ARMC2: variants seen among roughly 807,000 people sequenced by gnomAD.
ARMC2 encodes armadillo repeat-containing protein 2.
A neutral mutation model predicts 90.3 loss-of-function variants in ARMC2; 67 were observed. The observed-to-expected ratio is 0.74, with a 90% confidence interval of 0.61 to 0.91. ARMC2 has a LOEUF of 0.91. Among genes scored for constraint, ARMC2 ranks in the 40% least tolerant of loss-of-function variants. The pLI, the probability that ARMC2 is intolerant of heterozygous loss-of-function variation, is 0.00. For missense variants in ARMC2, 920 were observed against 1,030.9 expected, an observed-to-expected ratio of 0.89 and a Z score of 1.47; for synonymous variants, 393 against 393.0, an observed-to-expected ratio of 1.00 and a Z score of 0.00.
intron 6 of ARMC2, among the ~76,000 whole-genome samples, chr6:108,897,479 G>A (rs1000773115): frequency 6.6e-5 from 10 of 152,074 alleles, no homozygotes; most frequent in Admixed American, 3.9e-4. Flanking sequence ...CACTGCAAAT[G>A]TTTAATAATA....
intron 17 of ARMC2, among the ~76,000 whole-genome samples, chr6:108,966,593 A>T (rs566936153): frequency 6.4e-4 from 97 of 152,282 alleles, no homozygotes; most frequent in African/African-American, 2.2e-3. Flanking sequence ...AATTTTGTAC[A>T]TGTGTTTTAA....
chr6:108,965,313 T>A (rs1263425093), intron 17 of ARMC2, among the ~76,000 whole-genome samples, 173 bp downstream of exon 17: 2 of 151,352 alleles, frequency 1.3e-5, no homozygotes, highest in African/African-American at 4.8e-5. Context: ...GAATGCTATT[T>A]ACAGTGGGGA....
chr6:108,902,428 C>T (rs1321210684), intron 7 of ARMC2, among the ~76,000 whole-genome samples: 2 of 152,296 alleles, frequency 1.3e-5, no homozygotes, highest in Non-Finnish European at 2.9e-5. Context: ...CCACCCACTG[C>T]CAATGAGTGG....
intron 11 of ARMC2, among the ~76,000 whole-genome samples, chr6:108,934,166 AC>A (rs1392160278): frequency 1.3e-5 from 2 of 152,068 alleles, no homozygotes; most frequent in African/African-American, 4.8e-5. Context: ...TGGCATCAGT[AC>A]CTAGTTTATT....
At chr6:108,928,557 C>A (rs1003462908) in intron 11 of ARMC2, among the ~76,000 whole-genome samples, 1 of 152,096 alleles carries the variant, frequency 6.6e-6, no homozygotes, top group Non-Finnish European at 1.5e-5. Context: ...ACACAGCAAA[C>A]CTTCCAGTTT....
At chr6:108,988,657 G>C in the ARMC2 span, 1 of 1,609,594 alleles carries the variant, frequency 6.2e-7, no homozygotes, top group Non-Finnish European at 8.5e-7. Flanking sequence ...CCAATAGCTG[G>C]TTAATTTCAC....
the ARMC2 span, among the ~76,000 whole-genome samples, chr6:108,993,855 C>T: frequency 6.6e-5 from 10 of 152,110 alleles, no homozygotes; most frequent in East Asian, 1.4e-3. Context: ...GCCGGTACTA[C>T]AGGTACAAAC....
At chr6:109,017,554 G>A in the ARMC2 span, among the ~76,000 whole-genome samples, 3 of 152,054 alleles carry the variant, frequency 2.0e-5, no homozygotes, top group African/African-American at 4.8e-5. Flanking sequence ...CAAAGTGCTG[G>A]GATTGCAGGT....
intron 8 of ARMC2, among the ~76,000 whole-genome samples, chr6:108,908,278 GC>G (rs1265151250): frequency 6.6e-6 from 1 of 152,150 alleles, no homozygotes; most frequent in Non-Finnish European, 1.5e-5. Flanking sequence ...TTTGTAAGTG[GC>G]CTAGTGCAGG....
chr6:108,969,315 G>C (rs1778597144), intron 17 of ARMC2, among the ~76,000 whole-genome samples: 1 of 152,198 alleles, frequency 6.6e-6, no homozygotes, highest in Non-Finnish European at 1.5e-5. Context: ...CAGCTAGCTA[G>C]GAAATAGTGT....
chr6:108,940,779 C>G (rs1284752852), intron 12 of ARMC2, among the ~76,000 whole-genome samples: 1 of 152,092 alleles, frequency 6.6e-6, no homozygotes, highest in Admixed American at 6.6e-5. Context: ...AAAAGGAAAA[C>G]CTTACCGAGG....
chr6:109,000,851 T>A, the ARMC2 span, among the ~76,000 whole-genome samples: 1 of 152,178 alleles, frequency 6.6e-6, no homozygotes, highest in Admixed American at 6.5e-5. Context: ...TGTAAGAACC[T>A]TAGAAATATT....
intron 13 of ARMC2, among the ~76,000 whole-genome samples, chr6:108,957,487 C>T (rs1053507933): frequency 3.3e-5 from 5 of 152,172 alleles, no homozygotes; most frequent in Admixed American, 6.5e-5. Context: ...AGGGCCTGCC[C>T]GTGGTTTGGT....
chr6:108,894,429 T>G (rs1771390127), intron 5 of ARMC2, 38 bp from the exon 6 acceptor site: 6 of 1,555,694 alleles, frequency 3.9e-6, no homozygotes, highest in Non-Finnish European at 5.2e-6. Flanking sequence ...TAGAAGTGTT[T>G]TCATGTTTGC....
At chr6:108,927,793 T>A (rs1775225619) in intron 10 of ARMC2, among the ~76,000 whole-genome samples, 1 of 152,068 alleles carries the variant, frequency 6.6e-6, no homozygotes, top group South Asian at 2.1e-4. Context: ...CAGCTGAAGA[T>A]CTTAGGAGTG....
At chr6:108,888,928 C>A (rs1258650841) in intron 5 of ARMC2, among the ~76,000 whole-genome samples, 2 of 152,142 alleles carry the variant, frequency 1.3e-5, no homozygotes, top group Non-Finnish European at 2.9e-5. Flanking sequence ...TGTATAAGAA[C>A]CCATGACAGT....
chr6:108,907,463 T>C (rs865786191), intron 8 of ARMC2, among the ~76,000 whole-genome samples: 2,285 of 123,252 alleles, frequency 0.019, 64 homozygotes, highest in African/African-American at 0.059. Context: ...TCTTTCTTTT[T>C]TTTTTTTTTT....
At position 108,953,135 on chromosome 6, in the gene ARMC2, C is replaced by G. The variant is rs199847440; in HGVS notation, c.1699C>G (p.Leu567Val). 1 of 1,614,058 alleles carries G rather than the reference C, an allele frequency of 6.2e-7. No individual in the cohort carries two copies. The highest frequency in any genetic ancestry group is 2.2e-5 in the East Asian group (1 of 44,892). The change falls in exon 13 of 18, where the codon CTG (leucine) becomes GTG (valine). Residue 567 changes from leucine to valine, a missense_variant. By Grantham distance (32) the Leu-to-Val change is conservative (BLOSUM62 1). Transcript: ENST00000392644. The part of the protein sequence containing the change: ...SKEKGSIQTL[L>V]SLFQTFHQLD... ...AGAGAAAGGGAGCATCCAAACTCTG[C>G]TGTCATTATTCCAGACGTTCCATCA...
At chr6:109,003,407 T>C in the ARMC2 span, among the ~76,000 whole-genome samples, 1 of 152,060 alleles carries the variant, frequency 6.6e-6, no homozygotes, top group Non-Finnish European at 1.5e-5. Context: ...GAAGGACATG[T>C]GTCAGCAATC....
Sources: allele counts gnomAD v4.1 joint callset (sites outside exome capture counted in the v4.1 genomes callset), GRCh38; gene constraint gnomAD v4.1.1; transcripts MANE v1.5; gene names NCBI Gene and HGNC (gene_info 2026-07-23, HGNC 2026-07-21).